KIAA1217: variants seen among roughly 807,000 people sequenced by gnomAD.
The protein encoded by KIAA1217 is sickle tail protein homolog.
KIAA1217 carries 88 observed loss-of-function variants against 163.9 expected under a neutral mutation model. That is an observed-to-expected ratio of 0.54 (90% confidence interval 0.45 to 0.64). The LOEUF is 0.64. Ranked by LOEUF, KIAA1217 falls within the 30% of genes least tolerant of loss-of-function variation. The pLI, the probability that KIAA1217 is intolerant of heterozygous loss-of-function variation, is 0.00. For synonymous variants in KIAA1217, 903 were observed against 923.1 expected (o/e 0.98, Z 0.39); for missense variants, 2,372 against 2,475.0 (o/e 0.96, Z 0.88).
intron 2 of KIAA1217, among the ~76,000 whole-genome samples, chr10:24,373,333 C>T (rs978957338): frequency 2.0e-5 from 3 of 152,166 alleles, no homozygotes; most frequent in Non-Finnish European, 4.4e-5. Context: ...CTCCCCTCTT[C>T]CTGCGCAATT....
chr10:23,819,305 T>A (rs71493346), intron 1 of KIAA1217, among the ~76,000 whole-genome samples: 39,884 of 151,976 alleles, frequency 0.26, 5,552 homozygotes, highest in African/African-American at 0.33. Flanking sequence ...GTTGTTTGGG[T>A]CCTCCAAGAG....
chr10:24,032,541 C>T (rs945890921), intron 2 of KIAA1217, among the ~76,000 whole-genome samples: 17 of 152,146 alleles, frequency 1.1e-4, no homozygotes, highest in Admixed American at 2.6e-4. Context: ...CTGGCCTCTT[C>T]ATGAGTTTTG....
At chr10:23,892,687 A>T (rs1261267534) in intron 1 of KIAA1217, among the ~76,000 whole-genome samples, 1 of 151,986 alleles carries the variant, frequency 6.6e-6, no homozygotes, top group African/African-American at 2.4e-5. Context: ...TCTTTTAATA[A>T]TGATAGCTTA....
chr10:24,103,919 A>C (rs189797875), intron 2 of KIAA1217, among the ~76,000 whole-genome samples: 93 of 152,338 alleles, frequency 6.1e-4, no homozygotes, highest in African/African-American at 2.2e-3. Context: ...AAATAGACCA[A>C]CACAAACATA....
chr10:24,148,143 T>A (rs2064425354), intron 2 of KIAA1217, among the ~76,000 whole-genome samples: 1 of 150,908 alleles, frequency 6.6e-6, no homozygotes, highest in South Asian at 2.1e-4. Context: ...TAAAGGAGAC[T>A]TTTTTTTCTT....
At chr10:24,017,766 C>A (rs986500408) in intron 2 of KIAA1217, among the ~76,000 whole-genome samples, 1 of 152,068 alleles carries the variant, frequency 6.6e-6, no homozygotes, top group Non-Finnish European at 1.5e-5. Flanking sequence ...GGGGAGTTTA[C>A]CTTTTGCTTG....
At chr10:23,706,082 A>G (rs1261442657) in intron 1 of KIAA1217, among the ~76,000 whole-genome samples, 1 of 152,086 alleles carries the variant, frequency 6.6e-6, no homozygotes, top group East Asian at 1.9e-4. Flanking sequence ...TGAAAACACA[A>G]TTGCTTTTTT....
intron 1 of KIAA1217, among the ~76,000 whole-genome samples, chr10:23,709,330 C>T (rs990515828): frequency 6.6e-6 from 1 of 152,008 alleles, no homozygotes; most frequent in Non-Finnish European, 1.5e-5. Flanking sequence ...TTAAGACCAG[C>T]CTGGGCAAGA....
chr10:23,925,035 GA>G (rs1842970220), intron 1 of KIAA1217, among the ~76,000 whole-genome samples: 1 of 152,042 alleles, frequency 6.6e-6, no homozygotes, highest in African/African-American at 2.4e-5. Context: ...GTACAGAAAG[GA>G]AAATGTCTTT....
intron 2 of KIAA1217, among the ~76,000 whole-genome samples, chr10:24,056,660 G>A (rs887801129): frequency 2.0e-5 from 3 of 152,144 alleles, no homozygotes; most frequent in African/African-American, 7.2e-5. Flanking sequence ...TCCAACAGAT[G>A]AAGGTCCGAA....
intron 1 of KIAA1217, among the ~76,000 whole-genome samples, chr10:23,953,691 T>G (rs1180387520): frequency 6.6e-6 from 1 of 152,252 alleles, no homozygotes; most frequent in East Asian, 1.9e-4. Flanking sequence ...ATATGGCTAT[T>G]AGGCACATAA....
intron 1 of KIAA1217, among the ~76,000 whole-genome samples, chr10:23,864,950 C>T (rs1439302685): frequency 6.6e-6 from 1 of 152,048 alleles, no homozygotes; most frequent in Non-Finnish European, 1.5e-5. Flanking sequence ...TGATGAGGCC[C>T]ACCCACATTA....
intron 2 of KIAA1217, among the ~76,000 whole-genome samples, chr10:24,288,149 A>G (rs2078739731): frequency 6.6e-6 from 1 of 151,976 alleles, no homozygotes; most frequent in Non-Finnish European, 1.5e-5. Flanking sequence ...TTTTTTTTCT[A>G]GTTACTCATT....
At chr10:24,431,999 G>T (rs1445421375) in intron 3 of KIAA1217, among the ~76,000 whole-genome samples, 2 of 151,800 alleles carry the variant, frequency 1.3e-5, no homozygotes, top group Non-Finnish European at 2.9e-5. Flanking sequence ...ACAGATTTAA[G>T]CTATGTAGCT....
intron 1 of KIAA1217, among the ~76,000 whole-genome samples, chr10:23,822,368 C>T: frequency 6.6e-6 from 1 of 152,134 alleles, no homozygotes; most frequent in Non-Finnish European, 1.5e-5. Context: ...GTAGCAGAAA[C>T]AAGACATAAA....
chr10:24,067,078 A>T (rs1173634468), intron 2 of KIAA1217, among the ~76,000 whole-genome samples: 2 of 151,910 alleles, frequency 1.3e-5, no homozygotes, highest in East Asian at 3.9e-4. Context: ...CTTCTTTGCC[A>T]TTGGTTTGAA....
At chr10:24,378,030 G>A (rs2052747353) in intron 2 of KIAA1217, among the ~76,000 whole-genome samples, 1 of 152,148 alleles carries the variant, frequency 6.6e-6, no homozygotes, top group South Asian at 2.1e-4. Flanking sequence ...TCTGAAGATC[G>A]TGGGGGTCTC....
intron 3 of KIAA1217, among the ~76,000 whole-genome samples, chr10:24,395,966 G>C (rs867309242): frequency 6.6e-6 from 1 of 152,142 alleles, no homozygotes; most frequent in South Asian, 2.1e-4. Context: ...GAACCACCAA[G>C]CCCAGCCTAT....
At chr10:23,767,907 T>C (rs1285819791) in intron 1 of KIAA1217, among the ~76,000 whole-genome samples, 1 of 152,140 alleles carries the variant, frequency 6.6e-6, no homozygotes, top group African/African-American at 2.4e-5. Flanking sequence ...CTTTCTCCTT[T>C]CCCCCTCAAT....
Sources: gnomAD v4.1 joint callset for allele counts (sites outside exome capture counted in the v4.1 genomes callset) on GRCh38, gnomAD v4.1.1 for gene constraint, MANE v1.5 for transcripts, NCBI Gene and HGNC (gene_info 2026-07-23, HGNC 2026-07-21) for gene names.